ACSS3: variants seen among roughly 807,000 people sequenced by gnomAD.
The protein encoded by ACSS3 is acyl-CoA synthetase short-chain family member 3, mitochondrial.
A neutral mutation model predicts 84.2 loss-of-function variants in ACSS3; 64 were observed. That is an observed-to-expected ratio of 0.76 (90% CI 0.62 to 0.94). The LOEUF is 0.94. Ranked by LOEUF, ACSS3 falls within the 40% of genes least tolerant of loss-of-function variation. The pLI is 0.00. For synonymous variants in ACSS3, 317 were observed against 310.1 expected (o/e 1.02, Z -0.23); for missense variants, 815 against 867.6 (o/e 0.94, Z 0.76).
intron 9 of ACSS3, among the ~76,000 whole-genome samples, chr12:81,216,469 A>C (rs904931134): frequency 6.6e-6 from 1 of 152,220 alleles, no homozygotes; most frequent in Non-Finnish European, 1.5e-5. Context: ...TAGAAATAAC[A>C]AAAATGTTTT....
intron 1 of ACSS3, among the ~76,000 whole-genome samples, chr12:81,090,945 C>G (rs182964424): frequency 6.6e-6 from 1 of 152,002 alleles, no homozygotes; most frequent in East Asian, 1.9e-4. Flanking sequence ...GCACATGCTC[C>G]CATATACTTT....
intron 7 of ACSS3, among the ~76,000 whole-genome samples, chr12:81,165,046 A>T (rs1451971803): frequency 6.6e-6 from 1 of 152,218 alleles, no homozygotes; most frequent in Non-Finnish European, 1.5e-5. Flanking sequence ...ACTCTGATTC[A>T]GGCTATATAA....
intron 13 of ACSS3, among the ~76,000 whole-genome samples, chr12:81,235,435 C>T (rs1203366064): frequency 1.3e-5 from 2 of 151,218 alleles, no homozygotes; most frequent in African/African-American, 2.4e-5. Context: ...CACATCTGCT[C>T]TTCTTTCTTA....
intron 1 of ACSS3, among the ~76,000 whole-genome samples, chr12:81,083,551 G>A (rs968907537): frequency 1.3e-4 from 19 of 151,672 alleles, no homozygotes; most frequent in African/African-American, 4.6e-4. Context: ...TAGTAGATTT[G>A]GGGTTTCACC....
intron 1 of ACSS3, among the ~76,000 whole-genome samples, chr12:81,083,853 C>A (rs548179695): frequency 6.6e-6 from 1 of 152,040 alleles, no homozygotes; most frequent in Non-Finnish European, 1.5e-5. Flanking sequence ...ACCGGTAATC[C>A]TAGCTACTTG....
intron 1 of ACSS3, among the ~76,000 whole-genome samples, chr12:81,103,747 T>C (rs991874955): frequency 1.8e-4 from 28 of 152,124 alleles, no homozygotes; most frequent in Admixed American, 3.9e-4. Context: ...AGGTTGTTAA[T>C]ATTTTCAATA....
intron 8 of ACSS3, among the ~76,000 whole-genome samples, chr12:81,190,782 A>G (rs1238083232): frequency 6.6e-6 from 1 of 151,926 alleles, no homozygotes. Context: ...AAATTAACAA[A>G]GTTTCTATTT....
chr12:81,128,957 A>C lies in ACSS3; in HGVS notation c.457-5859A>C, dbSNP rs539707568. Among the ~76,000 whole-genome samples the C allele has an allele frequency of 1.8e-4, 27 of 152,338 alleles. No individual in the cohort carries two copies. The South Asian group carries it at 5.2e-3, about 29-fold the overall frequency. On this transcript the variant is annotated intron_variant, in intron 2 of 15. Coordinates refer to ENST00000548058, the MANE Select transcript of ACSS3 (RefSeq NM_024560.4). ...ATATATATTTAGATTTACAAATTATAATGGAAAATTTTACCAGAGTGACAT... is the reference window on the plus strand; with the variant it reads ...ATATATATTTAGATTTACAAATTATCATGGAAAATTTTACCAGAGTGACAT...
intron 5 of ACSS3, among the ~76,000 whole-genome samples, chr12:81,151,262 A>G (rs1221011240): frequency 6.6e-6 from 1 of 152,152 alleles, no homozygotes; most frequent in Admixed American, 6.5e-5. Context: ...TTAACCTTAG[A>G]TTCAACTCAC....
chr12:81,113,322 AT>A (rs1316967525), intron 2 of ACSS3, among the ~76,000 whole-genome samples: 1 of 151,948 alleles, frequency 6.6e-6, no homozygotes, highest in African/African-American at 2.4e-5. Context: ...GCTAGAAATA[AT>A]TTTTCCTCCA....
At chr12:81,234,027 A>G (rs1008738654) in intron 13 of ACSS3, among the ~76,000 whole-genome samples, 12 of 151,644 alleles carry the variant, frequency 7.9e-5, no homozygotes, top group Non-Finnish European at 1.5e-4. Flanking sequence ...AACAATTTCA[A>G]CGCTGTCAAA....
intron 9 of ACSS3, among the ~76,000 whole-genome samples, chr12:81,214,011 T>TTTC (rs1565724574): frequency 3.9e-5 from 4 of 103,622 alleles, no homozygotes; most frequent in African/African-American, 1.5e-4. Flanking sequence ...TTCTTTCATC[T>TTTC]GTCTGTCTGT....
At chr12:81,227,355 A>G (rs1260654219) in intron 11 of ACSS3, among the ~76,000 whole-genome samples, 1 of 150,970 alleles carries the variant, frequency 6.6e-6, no homozygotes. Flanking sequence ...AAATTGATGC[A>G]TAGAATTAAC....
chr12:81,254,904 A>G lies in ACSS3; in HGVS notation c.2043A>G (p.Glu681=). 2 of 1,606,732 alleles carry G rather than the reference A, an allele frequency of 1.2e-6. No homozygotes were observed. Among genetic ancestry groups the G allele is most frequent in the Non-Finnish European group, 1.7e-6 (2 of 1,176,714 alleles). The change falls in exon 16 of 16, where the codon GAA becomes GAG. Residue 681 remains glutamate (E), a synonymous_variant. Coordinates refer to ENST00000548058, the MANE Select transcript of ACSS3 (RefSeq NM_024560.4). ...EDPSIFGHVE[E]MLKQA The stretch of plus-strand genomic sequence containing the variant: ...CCAGCATTTTTGGCCACGTAGAAGA[A>G]ATGCTGAAGCAAGCATAATGAGTTT...
At chr12:81,151,730 G>T (rs1886618628) in intron 5 of ACSS3, 114 bp from the exon 6 acceptor site, 5 of 803,546 alleles carry the variant, frequency 6.2e-6, no homozygotes, top group Non-Finnish European at 9.6e-6. Context: ...AAAGTAACTT[G>T]TAGCTAATAT....
At chr12:81,086,505 A>C (rs549400105) in intron 1 of ACSS3, among the ~76,000 whole-genome samples, 1 of 152,194 alleles carries the variant, frequency 6.6e-6, no homozygotes, top group East Asian at 1.9e-4. Context: ...GGAATGCTGC[A>C]ATTACATAAG....
At chr12:81,123,599 T>G (rs1362276573) in intron 2 of ACSS3, among the ~76,000 whole-genome samples, 2 of 151,154 alleles carry the variant, frequency 1.3e-5, no homozygotes, top group Non-Finnish European at 2.9e-5. Flanking sequence ...AGGCTTTCAG[T>G]TCTCACCCCC....
At chr12:81,213,389 A>G (rs1471385285) in intron 9 of ACSS3, among the ~76,000 whole-genome samples, 2 of 152,100 alleles carry the variant, frequency 1.3e-5, no homozygotes. Flanking sequence ...CTTGGGTCCT[A>G]GGATGTTCAG....
intron 9 of ACSS3, among the ~76,000 whole-genome samples, chr12:81,202,000 C>T (rs2032132808): frequency 1.3e-5 from 2 of 152,110 alleles, no homozygotes; most frequent in Admixed American, 1.3e-4. Flanking sequence ...TACTGAAGGG[C>T]TGGGTGCGGT....
Sources: allele counts gnomAD v4.1 joint callset (sites outside exome capture counted in the v4.1 genomes callset), GRCh38; gene constraint gnomAD v4.1.1; transcripts MANE v1.5; gene names NCBI Gene and HGNC (gene_info 2026-07-23, HGNC 2026-07-21).